Variants in PCNT observed in about 807,000 individuals in gnomAD.
PCNT encodes pericentrin.
A neutral mutation model predicts 380.4 loss-of-function variants in PCNT; 319 were observed. The observed-to-expected ratio is 0.84, with a 90% CI of 0.77 to 0.92. The LOEUF is 0.92. Among genes scored for constraint, PCNT ranks in the 40% least tolerant of loss-of-function variants. The probability of loss-of-function intolerance (pLI) is 0.00; values close to 1 mark genes in which losing one functional copy is unlikely to be tolerated. For missense variants in PCNT, 4,400 were observed against 4,255.3 expected (o/e 1.03, Z -0.95); for synonymous variants, 1,845 against 1,735.2 (o/e 1.06, Z -1.57).
chr21:46,363,831 T>G lies in PCNT; in HGVS notation c.2506T>G (p.Cys836Gly). 8 of 1,612,258 alleles carry G rather than the reference T, an allele frequency of 5.0e-6. No individual in the cohort carries two copies. Among genetic ancestry groups the G allele is most frequent in the Non-Finnish European group, 6.8e-6 (8 of 1,179,106 alleles). The stretch of plus-strand genomic sequence containing the variant: ...CCTCACTTCAGACGACGCCCTGCAT[T>G]GCAGCCAGTGTGGGCGGGAGCCGCC... ...QDLTSDDALH[C>G]SQCGREPPTA... Residue 836 changes from cysteine (C) to glycine (G), a missense_variant, in exon 14 of 47, where the codon TGC becomes GGC. Physicochemically the swap from Cys to Gly is radical, Grantham distance 159. Coordinates refer to ENST00000359568, the MANE Select transcript of PCNT (RefSeq NM_006031.6).
In PCNT at chr21:46,445,687, G is replaced by A. The variant is rs896774700; in HGVS notation, c.*360G>A. The A allele has an allele frequency of 8.5e-6, 2 of 234,338 alleles. No individual in the cohort carries two copies. Among genetic ancestry groups the A allele is most frequent in the African/African-American group, 2.3e-5 (1 of 44,398 alleles). The allele number at this position is 234,338 out of a possible 1,614,324, so 14.5% of individuals were successfully genotyped here. On this transcript the variant is annotated 3_prime_UTR_variant, in exon 47 of 47. Coordinates refer to ENST00000359568, the MANE Select transcript of PCNT (RefSeq NM_006031.6). ...GTTGTTTTGTTTATTTTCTTAACGT[G>A]TACAGATGGAAACTTCATTTAAAAA...
chr21:46,397,612 A>C, intron 22 of PCNT, 118 bp downstream of exon 22: 2 of 835,854 alleles, frequency 2.4e-6, no homozygotes, highest in Non-Finnish European at 3.9e-6. Flanking sequence ...GGCGCCCCAC[A>C]CCTGCTGCAC....
At chr21:46,430,733 CCTT>C (rs1301092969) in intron 37 of PCNT, 76 bp downstream of exon 37, 8 of 1,540,318 alleles carry the variant, frequency 5.2e-6, no homozygotes, top group Non-Finnish European at 6.1e-6. Context: ...CCTCTTTCAT[CCTT>C]CTTTTCCTGT....
chr21:46,434,401 G>A (rs757521588), intron 38 of PCNT, among the ~76,000 whole-genome samples: 7 of 152,190 alleles, frequency 4.6e-5, no homozygotes, highest in Non-Finnish European at 8.8e-5. Flanking sequence ...GGCTGGGAAG[G>A]CCTCAGCTCA....
intron 11 of PCNT, among the ~76,000 whole-genome samples, chr21:46,354,407 C>T (rs1358188605): frequency 6.6e-6 from 1 of 152,248 alleles, no homozygotes; most frequent in African/African-American, 2.4e-5. Context: ...TTTGAGTCCA[C>T]ACGGAGCGTC....
chr21:46,398,214 C>A, intron 23 of PCNT, 21 bp from the exon 24 acceptor site: 1 of 1,608,442 alleles, frequency 6.2e-7, no homozygotes, highest in East Asian at 2.2e-5. Flanking sequence ...TTTTTGCCTT[C>A]CATGTACATG....
At chr21:46,367,991 G>A (rs746218715) in intron 15 of PCNT, among the ~76,000 whole-genome samples, 3 of 152,094 alleles carry the variant, frequency 2.0e-5, no homozygotes, top group African/African-American at 4.8e-5. Context: ...TGTGGGCTAC[G>A]AAAATTAAAA....
At position 46,346,905 on chromosome 21, in the gene PCNT, C is replaced by A; in HGVS notation, c.883C>A (p.Leu295Ile). ...CCGGCGTGCCCAGGAGCTGGCCCTGCTACAGAGCAGGCAGCAGCACGAGCT... is the reference window on the plus strand; with the variant it reads ...CCGGCGTGCCCAGGAGCTGGCCCTGATACAGAGCAGGCAGCAGCACGAGCT... ...NSRRAQELAL[L>I]QSRQQHELEL... is the part of the protein sequence containing the mutation. The change falls in exon 5 of 47, where the codon CTA (leucine) becomes ATA (isoleucine). Residue 295 changes from leucine (L) to isoleucine (I), a missense_variant. By Grantham distance (5) the Leu-to-Ile change is conservative. Transcript: ENST00000359568. 1.2e-6 allele frequency: 2 copies of A among 1,604,372 alleles called. No homozygotes were observed. The highest frequency in any genetic ancestry group is 1.7e-6 in the Non-Finnish European group (2 of 1,176,502).
Position 46,387,492 on chromosome 21 carries a change from C to T in PCNT, c.3465-1250C>T, listed in dbSNP as rs988942869. ...AACACAAGGGGTGCAGAGGTGAGCC[C>T]ACGGTCCCTGGACACTGGAGAGGCT... On this transcript the variant is annotated intron_variant, in intron 17 of 46. Transcript: ENST00000359568. 3.9e-5 allele frequency among the ~76,000 whole-genome samples: 6 copies of T among 151,960 alleles called. 1 individual carries two copies. Among genetic ancestry groups the T allele is most frequent in the East Asian group, 3.9e-4 (2 of 5,172 alleles).
Position 46,353,242 on chromosome 21 carries a change from A to C in PCNT, c.1595A>C (p.Lys532Thr). 1 of 1,614,190 alleles carries C rather than the reference A, an allele frequency of 6.2e-7. No individual in the cohort carries two copies. The highest frequency in any genetic ancestry group is 8.5e-7 in the Non-Finnish European group (1 of 1,180,034). The change falls in exon 10 of 47, where the codon AAA becomes ACA. Residue 532 changes from lysine to threonine, a missense_variant. Transcript: ENST00000359568. ...GAAAAGAAGTTAAGGGATGCTGAGAAAACTTACCAAGAAGACCTAACCCTG... is the reference window on the plus strand; with the variant it reads ...GAAAAGAAGTTAAGGGATGCTGAGACAACTTACCAAGAAGACCTAACCCTG... ...YFEKKLRDAE[K>T]TYQEDLTLLQ... is the part of the protein sequence containing the mutation.
chr21:46,347,089 C>T, intron 5 of PCNT, 91 bp downstream of exon 5: 1 of 1,459,036 alleles, frequency 6.9e-7, no homozygotes, highest in Non-Finnish European at 9.3e-7. Flanking sequence ...AGCTGGGGCG[C>T]CCTAGCACCG....
intron 9 of PCNT, among the ~76,000 whole-genome samples, chr21:46,352,645 T>G (rs1360367074): frequency 6.6e-6 from 1 of 152,196 alleles, no homozygotes; most frequent in African/African-American, 2.4e-5. Flanking sequence ...TATCACAAAC[T>G]TGGTGGCCTA....
intron 41 of PCNT, 79 bp downstream of exon 41, chr21:46,438,416 G>A (rs531120270): frequency 6.0e-5 from 82 of 1,372,326 alleles, no homozygotes; most frequent in East Asian, 2.1e-4. Context: ...ACAAGAGGCC[G>A]GGCTCCCTTT....
rs1400812100 is a variant in PCNT at position 46,401,704 on chromosome 21, C to G, written c.4945C>G (p.Leu1649Val). Residue 1649 changes from leucine to valine, a missense_variant, in exon 26 of 47, where the codon CTG becomes GTG. Coordinates refer to ENST00000359568, the MANE Select transcript of PCNT (RefSeq NM_006031.6). ...IQLEVTQRAL[L>V]RRESEVLDLK... ...GTTAGAGGTGACACAGAGAGCACTC[C>G]TGCGGCGCGAGAGCGAGGTGAGTGC... The G allele has an allele frequency of 6.2e-6, 10 of 1,613,960 alleles. No individual in the cohort carries two copies. Among genetic ancestry groups the G allele is most frequent in the Non-Finnish European group, 7.6e-6 (9 of 1,180,036 alleles).
chr21:46,392,783 G>A (rs1433389503), intron 21 of PCNT, among the ~76,000 whole-genome samples: 1 of 151,944 alleles, frequency 6.6e-6, no homozygotes, highest in Non-Finnish European at 1.5e-5. Flanking sequence ...TCCTTTTCTT[G>A]GTTCATTTCT....
At position 46,441,033 on chromosome 21, in the gene PCNT, G is replaced by T. The variant is rs767844895; in HGVS notation, c.9572G>T (p.Arg3191Leu). The T allele has an allele frequency of 3.7e-6, 6 of 1,614,008 alleles. No homozygotes were observed. The African/African-American group carries it at 5.3e-5, about 14-fold the overall frequency. ...AAAGCAGAACGGAAAATCACATCTCGTCCTTTCACCAGGTTCCGCACGGCC... is the reference window on the plus strand; with the variant it reads ...AAAGCAGAACGGAAAATCACATCTCTTCCTTTCACCAGGTTCCGCACGGCC... ...PSKAERKITS[R>L]PFTRFRTAVR... is the part of the protein sequence containing the mutation. The change falls in exon 43 of 47, where the codon CGT (arginine) becomes CTT (leucine). Residue 3191 changes from arginine (R) to leucine (L), a missense_variant. Transcript: ENST00000359568.
chr21:46,372,158 G>A (rs2085164214), intron 15 of PCNT, among the ~76,000 whole-genome samples: 1 of 136,608 alleles, frequency 7.3e-6, no homozygotes, highest in African/African-American at 2.8e-5. Flanking sequence ...CCCATACAAG[G>A]CACACGCACA....
chr21:46,337,029 G>A (rs1304516339), intron 3 of PCNT, among the ~76,000 whole-genome samples: 6 of 150,998 alleles, frequency 4.0e-5, no homozygotes, highest in African/African-American at 1.2e-4. Context: ...AGACAGTCTC[G>A]CTCTGTTGCC....
intron 2 of PCNT, 107 bp downstream of exon 2, chr21:46,326,696 G>T (rs993622277): frequency 3.4e-6 from 4 of 1,186,970 alleles, no homozygotes; most frequent in Non-Finnish European, 3.7e-6. Flanking sequence ...TCAAAAGTGA[G>T]GAAAGAGGGT....
Sources: allele counts gnomAD v4.1 joint callset (sites outside exome capture counted in the v4.1 genomes callset), GRCh38; gene constraint gnomAD v4.1.1; transcripts MANE v1.5; gene names NCBI Gene and HGNC (gene_info 2026-07-23, HGNC 2026-07-21).